Variants in ABCC4 observed in about 807,000 individuals in gnomAD.
ABCC4 encodes ATP-binding cassette sub-family C member 4.
ABCC4 carries 102 observed loss-of-function variants against 168.5 expected under a neutral mutation model. The ratio of observed to expected loss-of-function variants is 0.61; its 90% CI spans 0.52 to 0.71. The LOEUF is 0.71. Among genes scored for constraint, ABCC4 ranks in the 30% least tolerant of loss-of-function variants. The pLI, the probability that ABCC4 is intolerant of heterozygous loss-of-function variation, is 0.00. For missense variants in ABCC4, 1,402 were observed against 1,605.8 expected (o/e 0.87, Z 2.17); for synonymous variants, 617 against 590.7 (o/e 1.04, Z -0.65).
intron 30 of ABCC4, among the ~76,000 whole-genome samples, chr13:95,031,281 A>G (rs2031864632): frequency 6.6e-6 from 1 of 152,242 alleles, no homozygotes; most frequent in African/African-American, 2.4e-5. Context: ...GCCAGTGGTT[A>G]GGCAGGACTA....
At chr13:95,061,667 GT>G (rs1951513442) in intron 26 of ABCC4, among the ~76,000 whole-genome samples, 2 of 80,164 alleles carry the variant, frequency 2.5e-5, no homozygotes, top group Non-Finnish European at 2.7e-5. Flanking sequence ...ACTATAGAGT[GT>G]TAAAAAAAAA....
chr13:95,178,086 T>C lies in ABCC4; in HGVS notation c.1551A>G (p.Leu517=), dbSNP rs762364553. 5.0e-6 allele frequency: 8 copies of C among 1,613,796 alleles called. No individual in the cohort carries two copies. The African/African-American group carries it at 1.1e-4, about 22-fold the overall frequency. The part of the protein sequence containing the change: ...VIKACALKKD[L]QLLEDGDLTV... Reference sequence around the variant, plus strand: ...TCAGATCACCATCCTCCAACAGCTGTAAATCCTGTATGGACAAAGGAAAGA... The same window carrying C: ...TCAGATCACCATCCTCCAACAGCTGCAAATCCTGTATGGACAAAGGAAAGA... Residue 517 remains leucine, a synonymous_variant, in exon 12 of 31, where the codon TTA becomes TTG. Coordinates refer to ENST00000645237, the MANE Select transcript of ABCC4 (RefSeq NM_005845.5).
chr13:95,219,126 T>C (rs1466844949), intron 4 of ABCC4, among the ~76,000 whole-genome samples: 1 of 152,172 alleles, frequency 6.6e-6, no homozygotes, highest in Non-Finnish European at 1.5e-5. Flanking sequence ...TAGTCAATTC[T>C]ACCAATACCC....
chr13:95,078,974 C>T (rs1201016453), intron 21 of ABCC4, among the ~76,000 whole-genome samples: 2 of 152,190 alleles, frequency 1.3e-5, no homozygotes, highest in East Asian at 3.8e-4. Flanking sequence ...AATTAGGTAC[C>T]ATCCCAGTTT....
rs778449549 is a variant in ABCC4 at position 95,247,777 on chromosome 13, T to C, written c.75-24A>G. ...ACCTGTTAACAAGAGAAAAGAGACA[T>C]ATATCCAGAATTACACATCCGTGTT... On this transcript the variant is annotated intron_variant, in intron 1 of 30. Transcript: ENST00000645237. 6 of 1,583,520 alleles carry C rather than the reference T, an allele frequency of 3.8e-6. No individual in the cohort carries two copies. The African/African-American group carries it at 6.7e-5, about 18-fold the overall frequency.
At chr13:95,258,197 A>G (rs916231621) in intron 1 of ABCC4, among the ~76,000 whole-genome samples, 3 of 152,138 alleles carry the variant, frequency 2.0e-5, no homozygotes, top group Admixed American at 1.3e-4. Flanking sequence ...GTGATCTTTC[A>G]ATAGAAAAGC....
chr13:95,247,204 A>G (rs2040129351), intron 2 of ABCC4, 109 bp from the exon 3 acceptor site: 5 of 1,231,192 alleles, frequency 4.1e-6, no homozygotes, highest in Non-Finnish European at 5.7e-6. Flanking sequence ...TTTTGTGACG[A>G]TTTCATAAAT....
chr13:95,169,935 C>T (rs959152829), intron 14 of ABCC4, among the ~76,000 whole-genome samples: 4 of 152,338 alleles, frequency 2.6e-5, no homozygotes, highest in Admixed American at 1.3e-4. Flanking sequence ...CGGCTCACTA[C>T]AACCTCCGCC....
chr13:95,137,676 T>C (rs1175344075), intron 19 of ABCC4, among the ~76,000 whole-genome samples: 1 of 152,130 alleles, frequency 6.6e-6, no homozygotes, highest in African/African-American at 2.4e-5. Context: ...GGGGGGGAAC[T>C]CCAATTTGCA....
At position 95,183,075 on chromosome 13, in the gene ABCC4, C is replaced by CTT. The variant is rs4148491; in HGVS notation, c.1545+3624_1545+3625dup. Among the ~76,000 whole-genome samples, 183 of 124,422 alleles carry CTT rather than the reference C, an allele frequency of 1.5e-3. 1 individual carries two copies. Among genetic ancestry groups the CTT allele is most frequent in the East Asian group, 9.6e-3 (43 of 4,468 alleles). The allele number at this position is 124,422 out of a possible 152,430, so 81.6% of individuals were successfully genotyped here. On this transcript the variant is annotated intron_variant, in intron 11 of 30. Transcript: ENST00000645237. ...TTAGTTCCTATTTTTTCCTCTAGGA[C>CTT]TTTTTTTTTTTTTTTTGCGGGGGAG...
chr13:95,206,835 G>C, intron 7 of ABCC4, 54 bp from the exon 8 acceptor site: 2 of 1,583,530 alleles, frequency 1.3e-6, no homozygotes, highest in South Asian at 2.3e-5. Flanking sequence ...AGATAAAGTG[G>C]CTCACGCCTG....
intron 1 of ABCC4, among the ~76,000 whole-genome samples, chr13:95,254,441 A>G (rs1033384348): frequency 6.6e-6 from 1 of 152,174 alleles, no homozygotes; most frequent in African/African-American, 2.4e-5. Context: ...CTGCTGATTC[A>G]ACACCTCCTC....
intron 30 of ABCC4, among the ~76,000 whole-genome samples, chr13:95,033,802 C>T (rs1281572109): frequency 6.6e-6 from 1 of 152,022 alleles, no homozygotes; most frequent in Non-Finnish European, 1.5e-5. Flanking sequence ...GCTGGGGTTA[C>T]AGGCATGTGC....
intron 10 of ABCC4, 38 bp from the exon 11 acceptor site, chr13:95,186,930 A>G: frequency 1.3e-6 from 2 of 1,552,038 alleles, no homozygotes; most frequent in South Asian, 1.2e-5. Flanking sequence ...TTCAGTCAAC[A>G]CTCGAGACAA....
intron 19 of ABCC4, among the ~76,000 whole-genome samples, chr13:95,157,413 T>C (rs2139528531): frequency 6.6e-6 from 1 of 151,108 alleles, no homozygotes; most frequent in East Asian, 2.0e-4. Flanking sequence ...TGAGAATTGC[T>C]TGAACCCAAG....
chr13:95,297,835 T>C (rs184463368), intron 1 of ABCC4, among the ~76,000 whole-genome samples: 1 of 152,250 alleles, frequency 6.6e-6, no homozygotes, highest in Non-Finnish European at 1.5e-5. Context: ...CAATATGAAG[T>C]ACTTTCGAGT....
chr13:95,150,327 ACAGGCTTTC>A (rs948101547), intron 19 of ABCC4, among the ~76,000 whole-genome samples: 1 of 152,180 alleles, frequency 6.6e-6, no homozygotes, highest in African/African-American at 2.4e-5. Flanking sequence ...CAAGTCTAAG[ACAGGCTTTC>A]CAGGTGTTCA....
At chr13:95,233,567 G>A (rs2039683253) in intron 4 of ABCC4, among the ~76,000 whole-genome samples, 1 of 152,076 alleles carries the variant, frequency 6.6e-6, no homozygotes, top group South Asian at 2.1e-4. Context: ...TGGCCTGGGG[G>A]ATGGGATCAT....
chr13:95,112,809 G>A (rs922777020), intron 20 of ABCC4, among the ~76,000 whole-genome samples: 17 of 152,032 alleles, frequency 1.1e-4, no homozygotes, highest in African/African-American at 4.1e-4. Flanking sequence ...TGAACCTAAC[G>A]AGAGCCATCA....
Sources: gnomAD v4.1 joint callset for allele counts (sites outside exome capture counted in the v4.1 genomes callset) on GRCh38, gnomAD v4.1.1 for gene constraint, MANE v1.5 for transcripts, NCBI Gene and HGNC (gene_info 2026-07-23, HGNC 2026-07-21) for gene names.